The following MID1 variants were observed in gnomAD, a reference collection of about 807,000 sequenced individuals.
MID1 encodes E3 ubiquitin-protein ligase Midline-1.
A neutral mutation model predicts 40.4 loss-of-function variants in MID1; 7 were observed. The ratio of observed to expected loss-of-function variants is 0.17; its 90% CI spans 0.10 to 0.33. MID1 has a LOEUF of 0.33. Among genes scored for constraint, MID1 ranks in the 10% least tolerant of loss-of-function variants. The pLI, the probability that MID1 is intolerant of heterozygous loss-of-function variation, is 1.00. For synonymous variants in MID1, 229 were observed against 221.2 expected (o/e 1.04, Z -0.31); for missense variants, 367 against 558.5 (o/e 0.66, Z 3.46).
chrX:10,799,553 G>T (rs1316939442), intron 1 of MID1, among the ~76,000 whole-genome samples: 1 of 112,144 alleles, frequency 8.9e-6, no homozygotes, highest in Non-Finnish European at 1.9e-5. Flanking sequence ...CATGAATCAT[G>T]TAATGAATGC....
chrX:10,516,560 TTGTGTGTGTGTGTGTGTGTG>T (rs57101806), intron 3 of MID1, among the ~76,000 whole-genome samples: 33 of 73,359 alleles, frequency 4.5e-4, no homozygotes, highest in Admixed American at 7.8e-4. Context: ...TACTCTGCTC[TTGTGTGTGTGTGTGTGTGTG>T]TGTGTGTGTG....
chrX:10,448,724 C>G lies in MID1; in HGVS notation c.*644G>C, dbSNP rs1308088436. On this transcript the variant is annotated 3_prime_UTR_variant, in exon 10 of 10. Transcript: ENST00000317552. The stretch of plus-strand genomic sequence containing the variant: ...ACCTTTCTTTCCAACATTATCCCAT[C>G]AGCTATGAGAAGGTAAAGATTTAGC... The G allele has an allele frequency of 8.9e-6, 1 of 112,466 alleles. No homozygotes were observed. The highest frequency in any genetic ancestry group is 3.2e-5 in the African/African-American group (1 of 30,951). 9.3% of individuals were successfully genotyped at this position (112,466 alleles called of 1,213,427 possible). A position where few individuals can be genotyped will look rare whatever the true frequency, so the allele number is the denominator to read the frequency against.
chrX:10,449,608 G>C lies in MID1; in HGVS notation c.1764C>G (p.His588Gln). 1 of 1,211,632 alleles carries C rather than the reference G, an allele frequency of 8.3e-7. No individual in the cohort carries two copies. Among genetic ancestry groups the C allele is most frequent in the Non-Finnish European group, 1.1e-6 (1 of 895,309 alleles). The stretch of plus-strand genomic sequence containing the variant: ...GCTCAATGGGGATTTCCTTGCTATT[G>C]TGTCTCACCACCCAGTTATTGTTGC... ...CRCNNNWVVR[H>Q]NSKEIPIEPA... Residue 588 changes from histidine (H) to glutamine (Q), a missense_variant, in exon 10 of 10, where the codon CAC becomes CAG. His to Gln is a conservative substitution (Grantham distance 24, BLOSUM62 0). Around this residue, in one of 3 missense-constraint regions of MID1, gnomAD observed 275 missense variants for 383.1 expected, o/e 0.72. Coordinates refer to ENST00000317552, the MANE Select transcript of MID1 (RefSeq NM_000381.4).
intron 1 of MID1, among the ~76,000 whole-genome samples, chrX:10,778,499 A>G (rs1480919912): frequency 8.9e-6 from 1 of 112,388 alleles, no homozygotes. Flanking sequence ...TCTTCCCTAC[A>G]TTACCTTACA....
chrX:10,822,103 G>A (rs896036115), intron 1 of MID1, among the ~76,000 whole-genome samples: 2 of 109,199 alleles, frequency 1.8e-5, no homozygotes, highest in African/African-American at 6.7e-5. Context: ...TGGCATTTTC[G>A]CAGTAACCAA....
At chrX:10,555,632 T>C (rs1934089329) in intron 2 of MID1, among the ~76,000 whole-genome samples, 1 of 107,922 alleles carries the variant, frequency 9.3e-6, no homozygotes, top group Admixed American at 9.8e-5. Context: ...TTTTCTTTCT[T>C]TTTTTTTTAA....
chrX:10,763,899 C>T (rs1357674371), intron 1 of MID1, among the ~76,000 whole-genome samples: 4 of 112,153 alleles, frequency 3.6e-5, no homozygotes, highest in Non-Finnish European at 5.6e-5. Flanking sequence ...TTTTGATTTG[C>T]GTTTCTCTGA....
chrX:10,610,134 A>C (rs1273833892), intron 1 of MID1, among the ~76,000 whole-genome samples: 1 of 112,541 alleles, frequency 8.9e-6, no homozygotes, highest in Non-Finnish European at 1.9e-5. Flanking sequence ...AAAGCTACAC[A>C]GAGATGCCGC....
chrX:10,507,943 C>T (rs915496722), intron 3 of MID1, among the ~76,000 whole-genome samples: 2 of 111,966 alleles, frequency 1.8e-5, no homozygotes, highest in South Asian at 3.7e-4. Flanking sequence ...CCAAAGTTTC[C>T]GGTTTCCAGA....
At chrX:10,826,950 C>T (rs774586876) in intron 1 of MID1, among the ~76,000 whole-genome samples, 1 of 111,697 alleles carries the variant, frequency 9.0e-6, no homozygotes, top group Admixed American at 9.5e-5. Context: ...CTACTCTCAT[C>T]CTTATCCCTT....
chrX:10,617,772 C>G (rs996059443), intron 1 of MID1, among the ~76,000 whole-genome samples: 2 of 112,253 alleles, frequency 1.8e-5, no homozygotes, highest in African/African-American at 6.5e-5. Context: ...CATGCTTTTC[C>G]TTTTGCCTGG....
intron 1 of MID1, among the ~76,000 whole-genome samples, chrX:10,777,055 G>T (rs2043807669): frequency 8.9e-6 from 1 of 112,045 alleles, no homozygotes; most frequent in African/African-American, 3.2e-5. Context: ...TTTGCAACGA[G>T]GTTATTTCTA....
At chrX:10,823,248 C>T (rs1213085083) in intron 1 of MID1, among the ~76,000 whole-genome samples, 1 of 111,382 alleles carries the variant, frequency 9.0e-6, no homozygotes, top group East Asian at 2.8e-4. Flanking sequence ...TGCATGTTCT[C>T]GCTTATACAT....
chrX:10,495,767 G>A, intron 3 of MID1, 76 bp from the exon 4 acceptor site: 2 of 678,512 alleles, frequency 2.9e-6, no homozygotes, highest in South Asian at 4.4e-5. Context: ...ATGTATACTA[G>A]GATGTTTCTA....
rs375928726 is a variant in MID1, at chrX:10,584,971, A to G, written c.-56-17368T>C. Among the ~76,000 whole-genome samples, 129 of 111,108 alleles carry G rather than the reference A, an allele frequency of 1.2e-3. 3 individuals carry two copies. In the South Asian group the frequency reaches 0.03, roughly 26 times the overall value. On this transcript the variant is annotated intron_variant, in intron 1 of 9. Transcript: ENST00000317552. Reference sequence around the variant, plus strand: ...GTGGGGGGGTCCACGTGAGAGGGTCATGATCAATTGAGCAAGCAGGGGGTA... The same window carrying G: ...GTGGGGGGGTCCACGTGAGAGGGTCGTGATCAATTGAGCAAGCAGGGGGTA...
intron 2 of MID1, among the ~76,000 whole-genome samples, chrX:10,543,362 A>T (rs1218025415): frequency 8.9e-6 from 1 of 112,064 alleles, no homozygotes; most frequent in African/African-American, 3.2e-5. Flanking sequence ...TAATAGTAGG[A>T]GTCATAATAG....
intron 2 of MID1, among the ~76,000 whole-genome samples, chrX:10,541,850 T>C (rs1358086305): frequency 9.0e-6 from 1 of 111,620 alleles, no homozygotes; most frequent in Non-Finnish European, 1.9e-5. Context: ...CTTCAAGGGA[T>C]AAGCACCTTA....
At chrX:10,785,592 C>T (rs1325289187) in intron 1 of MID1, among the ~76,000 whole-genome samples, 2 of 111,609 alleles carry the variant, frequency 1.8e-5, no homozygotes, top group African/African-American at 6.5e-5. Context: ...GCAACCAAAA[C>T]AGCATGGTAC....
chrX:10,632,852 G>T (rs1234815936), intron 1 of MID1, among the ~76,000 whole-genome samples: 2 of 111,369 alleles, frequency 1.8e-5, no homozygotes, highest in Middle Eastern at 4.7e-3. Context: ...CATGACATAT[G>T]AAAAGTATGT....
Sources: gnomAD v4.1 joint callset for allele counts (sites outside exome capture counted in the v4.1 genomes callset) on GRCh38, gnomAD v4.1.1 for gene constraint, gnomAD v4.1.1 regional missense constraint, MANE v1.5 for transcripts, NCBI Gene and HGNC (gene_info 2026-07-23, HGNC 2026-07-21) for gene names.